The following SH3RF3 variants were observed in gnomAD, a reference collection of about 807,000 sequenced individuals.
SH3RF3 encodes E3 ubiquitin-protein ligase SH3RF3.
SH3RF3 carries 29 observed loss-of-function variants against 66.3 expected under a neutral mutation model. That is an observed-to-expected ratio of 0.44 (90% CI 0.33 to 0.60). The LOEUF is 0.60. Ranked by LOEUF, SH3RF3 falls within the 20% of genes least tolerant of loss-of-function variation. The pLI is 0.04. For synonymous variants in SH3RF3, 583 were observed against 532.0 expected (o/e 1.10, Z -1.32); for missense variants, 1,194 against 1,190.9 (o/e 1.00, Z -0.04).
At chr2:109,210,861 G>GTAAAT (rs1678958684) in intron 1 of SH3RF3, among the ~76,000 whole-genome samples, 2 of 152,234 alleles carry the variant, frequency 1.3e-5, no homozygotes, top group African/African-American at 4.8e-5. Flanking sequence ...CAACCTAGGT[G>GTAAAT]AGAAATCTTT....
intron 3 of SH3RF3, among the ~76,000 whole-genome samples, chr2:109,387,098 G>A (rs915338338): frequency 2.0e-5 from 3 of 152,076 alleles, no homozygotes; most frequent in Non-Finnish European, 4.4e-5. Flanking sequence ...GAAAGAACGA[G>A]GTGAAACGTT....
At chr2:109,469,754 A>G (rs565029403) in intron 8 of SH3RF3, among the ~76,000 whole-genome samples, 2 of 152,264 alleles carry the variant, frequency 1.3e-5, no homozygotes, top group Admixed American at 6.5e-5. Flanking sequence ...TTGCTGAACA[A>G]AAGAACCCCC....
At chr2:109,475,207 G>A (rs1176852830) in intron 8 of SH3RF3, among the ~76,000 whole-genome samples, 1 of 152,106 alleles carries the variant, frequency 6.6e-6, no homozygotes, top group Non-Finnish European at 1.5e-5. Flanking sequence ...TTGATCTCTT[G>A]ACCTCGTGAT....
At chr2:109,475,382 G>C (rs1248092602) in intron 8 of SH3RF3, among the ~76,000 whole-genome samples, 1 of 152,208 alleles carries the variant, frequency 6.6e-6, no homozygotes, top group Admixed American at 6.5e-5. Context: ...ACGCAAAGTG[G>C]CTACCAGTCC....
intron 1 of SH3RF3, among the ~76,000 whole-genome samples, chr2:109,162,917 A>T (rs1038054818): frequency 5.3e-5 from 8 of 152,182 alleles, no homozygotes; most frequent in Non-Finnish European, 1.2e-4. Flanking sequence ...TGGTGGTAAG[A>T]GCCTCTTGGC....
At chr2:109,428,917 A>G (rs969448504) in intron 5 of SH3RF3, among the ~76,000 whole-genome samples, 2 of 152,170 alleles carry the variant, frequency 1.3e-5, no homozygotes, top group African/African-American at 4.8e-5. Flanking sequence ...TCTCCCTGCC[A>G]TGCCAGACCC....
intron 1 of SH3RF3, among the ~76,000 whole-genome samples, chr2:109,339,293 G>A (rs1402789730): frequency 1.3e-5 from 2 of 151,602 alleles, no homozygotes; most frequent in Non-Finnish European, 2.9e-5. Context: ...GGGGGTGGGG[G>A]GTAACATGAA....
chr2:109,216,619 T>C (rs1015898827), intron 1 of SH3RF3, among the ~76,000 whole-genome samples: 1 of 152,188 alleles, frequency 6.6e-6, no homozygotes, highest in Non-Finnish European at 1.5e-5. Context: ...CCAGCCATGC[T>C]CTGTAGGCTG....
In SH3RF3 at chr2:109,129,521, C is replaced by G; in HGVS notation, c.-20C>G. 3.3e-6 allele frequency: 5 copies of G among 1,496,210 alleles called. No individual in the cohort carries two copies. Among genetic ancestry groups the G allele is most frequent in the Non-Finnish European group, 4.4e-6 (5 of 1,129,264 alleles). The allele number at this position is 1,496,210 out of a possible 1,614,324, so 92.7% of individuals were successfully genotyped here. ...CCGGGACCTAGGCAGCCGCGCGAGACCGCTGCGGGCGCCTCCCCCATGCTG... is the reference window on the plus strand; with the variant it reads ...CCGGGACCTAGGCAGCCGCGCGAGAGCGCTGCGGGCGCCTCCCCCATGCTG... On this transcript the variant is annotated 5_prime_UTR_variant, in exon 1 of 10. Coordinates refer to ENST00000309415, the MANE Select transcript of SH3RF3 (RefSeq NM_001099289.3).
chr2:109,443,717 A>G (rs376340275), intron 7 of SH3RF3, among the ~76,000 whole-genome samples: 2 of 152,240 alleles, frequency 1.3e-5, no homozygotes, highest in Admixed American at 1.3e-4. Flanking sequence ...CTAAATATTT[A>G]TACACCAAGT....
At chr2:109,411,264 G>A (rs994635307) in intron 4 of SH3RF3, among the ~76,000 whole-genome samples, 2 of 152,234 alleles carry the variant, frequency 1.3e-5, no homozygotes, top group Admixed American at 6.5e-5. Flanking sequence ...GATGCTGGCC[G>A]TGTGGAAGTC....
intron 1 of SH3RF3, among the ~76,000 whole-genome samples, chr2:109,226,679 T>C (rs557274933): frequency 6.6e-6 from 1 of 152,316 alleles, no homozygotes; most frequent in Admixed American, 6.5e-5. Context: ...ATCTGCTCCC[T>C]TTGTGGCTCC....
rs529655275 is a variant in SH3RF3, at chr2:109,398,756, A to G, written c.1112A>G (p.Asp371Gly). 2 of 1,613,650 alleles carry G rather than the reference A, an allele frequency of 1.2e-6. No individual in the cohort carries two copies. Among genetic ancestry groups the G allele is most frequent in the East Asian group, 2.2e-5 (1 of 44,854 alleles). The change falls in exon 4 of 10, where the codon GAT (aspartate) becomes GGT (glycine). Residue 371 changes from aspartate (D) to glycine (G), a missense_variant. Transcript: ENST00000309415. ...GAVSAFQRRV[D>G]GKKNTKKRHS... The stretch of plus-strand genomic sequence containing the variant: ...GTCAGTGCCTTTCAGCGGCGTGTGG[A>G]TGGCAAGAAGAACACCAAGAAACGC...
Position 109,490,665 on chromosome 2 carries a change from C to G in SH3RF3, c.2209C>G (p.Arg737Gly). The G allele has an allele frequency of 6.6e-7, 1 of 1,515,364 alleles. No individual in the cohort carries two copies. Among genetic ancestry groups the G allele is most frequent in the Non-Finnish European group, 8.8e-7 (1 of 1,131,702 alleles). 93.9% of individuals were successfully genotyped at this position (1,515,364 alleles called of 1,614,324 possible). A position where few individuals can be genotyped will look rare whatever the true frequency, so the allele number is the denominator to read the frequency against. Reference sequence around the variant, plus strand: ...CGGAGCATCCACCAAGAAGAAGTCACGCTCCCCGCCATCTGTGTCTCCAAC... The same window carrying G: ...CGGAGCATCCACCAAGAAGAAGTCAGGCTCCCCGCCATCTGTGTCTCCAAC... ...LAGASTKKKS[R>G]SPPSVSPTHD... Residue 737 changes from arginine (R) to glycine (G), a missense_variant, in exon 9 of 10, where the codon CGC becomes GGC. Transcript: ENST00000309415.
In SH3RF3 at chr2:109,398,955, C is replaced by T. The variant is rs534497883; in HGVS notation, c.1299+12C>T. On this transcript the variant is annotated intron_variant, in intron 4 of 9. Coordinates refer to ENST00000309415, the MANE Select transcript of SH3RF3 (RefSeq NM_001099289.3). The stretch of plus-strand genomic sequence containing the variant: ...CTGCTCCCACCCAGGTAACATCCCG[C>T]GGGCCAGGGCAGGCATCCCTGGGTT... The T allele has an allele frequency of 2.3e-5, 37 of 1,602,724 alleles. No homozygotes were observed. The highest frequency in any genetic ancestry group is 8.9e-5 in the East Asian group (4 of 44,704).
At chr2:109,290,031 T>A (rs1369816189) in intron 1 of SH3RF3, among the ~76,000 whole-genome samples, 1 of 152,164 alleles carries the variant, frequency 6.6e-6, no homozygotes, top group African/African-American at 2.4e-5. Context: ...TCCGATTCTA[T>A]AGGTACAGGG....
chr2:109,142,729 C>T (rs777164985), intron 1 of SH3RF3, among the ~76,000 whole-genome samples: 9 of 152,162 alleles, frequency 5.9e-5, no homozygotes, highest in Admixed American at 1.3e-4. Context: ...ATTTTCTGAT[C>T]GTTGGTGTCC....
chr2:109,248,206 A>G (rs1449002068), intron 1 of SH3RF3, among the ~76,000 whole-genome samples: 1 of 152,226 alleles, frequency 6.6e-6, no homozygotes, highest in African/African-American at 2.4e-5. Context: ...ATTGCTATAT[A>G]TGTTGATTCA....
rs113899144 is a variant in SH3RF3, at chr2:109,301,564, C to G, written c.574-46110C>G. Among the ~76,000 whole-genome samples the G allele has an allele frequency of 7.0e-4, 106 of 152,312 alleles. 1 individual carries two copies. Among genetic ancestry groups the G allele is most frequent in the African/African-American group, 2.5e-3 (105 of 41,572 alleles). ...GCCCAGAGCCCATAAACCACAGCCT[C>G]TGACAGCCTAGTGTCTACGCTACCA... is the stretch of plus-strand genomic sequence containing the variant. On this transcript the variant is annotated intron_variant, in intron 1 of 9. Coordinates refer to ENST00000309415, the MANE Select transcript of SH3RF3 (RefSeq NM_001099289.3).
Sources: gnomAD v4.1 joint callset for allele counts (sites outside exome capture counted in the v4.1 genomes callset) on GRCh38, gnomAD v4.1.1 for gene constraint, MANE v1.5 for transcripts, NCBI Gene and HGNC (gene_info 2026-07-23, HGNC 2026-07-21) for gene names.